The following CHAF1B variants were observed in gnomAD, a reference collection of about 807,000 sequenced individuals.
The protein encoded by CHAF1B is chromatin assembly factor 1 subunit B.
Under a neutral mutation model 60.7 loss-of-function variants are expected in CHAF1B, and 10 were observed. That is an observed-to-expected ratio of 0.16 (90% confidence interval 0.10 to 0.28). CHAF1B has a LOEUF of 0.28. Ranked by LOEUF, CHAF1B falls within the 10% of genes least tolerant of loss-of-function variation. CHAF1B has a pLI of 1.00. For synonymous variants in CHAF1B, 261 were observed against 266.1 expected, an observed-to-expected ratio of 0.98 and a Z score of 0.19; for missense variants, 558 against 708.4, an observed-to-expected ratio of 0.79 and a Z score of 2.41.
chr21:36,404,385 C>T (rs2086218584), intron 8 of CHAF1B, among the ~76,000 whole-genome samples: 1 of 149,818 alleles, frequency 6.7e-6, no homozygotes, highest in African/African-American at 2.5e-5. Context: ...AGGCTTGAGC[C>T]ACCACGCCCG....
chr21:36,415,748 CTTTT>C, intron 13 of CHAF1B: 1 of 360,312 alleles, frequency 2.8e-6, no homozygotes, highest in Non-Finnish European at 5.3e-6. Flanking sequence ...CCATGACATT[CTTTT>C]TTTTTTTTTC....
Position 36,413,190 on chromosome 21 carries a change from C to G in CHAF1B, c.1368C>G (p.Val456=), listed in dbSNP as rs760502373. The G allele has an allele frequency of 2.5e-6, 4 of 1,613,968 alleles. No individual in the cohort carries two copies. The highest frequency in any genetic ancestry group is 1.7e-5 in the Admixed American group (1 of 59,988). Residue 456 remains valine (V), a synonymous_variant, in exon 12 of 14, where the codon GTC becomes GTG. Coordinates refer to ENST00000314103, the MANE Select transcript of CHAF1B (RefSeq NM_005441.3). ...IRDPPSITPA[V]KSPLPGPSEE... is the part of the protein sequence containing the mutation. ...ACCCTCCCTCCATCACTCCTGCTGT[C>G]AAAAGCCCCTTGCCGGGGCCTTCGG...
chr21:36,405,156 G>A (rs574105183), intron 8 of CHAF1B, among the ~76,000 whole-genome samples: 31 of 152,110 alleles, frequency 2.0e-4, no homozygotes, highest in Non-Finnish European at 2.9e-4. Context: ...TGTGGTGTTA[G>A]TAAGTGTGGG....
intron 13 of CHAF1B, chr21:36,415,977 C>T: frequency 3.0e-6 from 1 of 336,932 alleles, no homozygotes; most frequent in Non-Finnish European, 5.7e-6. Context: ...TGGTCTTGAA[C>T]TCCTGGCCTC....
rs1471540790 is a variant in CHAF1B, at chr21:36,387,219, G to GTTTTTTTTTT, written c.127-375_127-374insTTTTTTTTTT. ...AGTTTTCTTTCTGAAAATAAGCATA[G>GTTTTTTTTTT]TTTTGTTTTTTTTTTTTTTTTGAGA... On this transcript the variant is annotated intron_variant, in intron 2 of 13. Transcript: ENST00000314103. 8.3e-4 allele frequency among the ~76,000 whole-genome samples: 118 copies of GTTTTTTTTTT among 141,352 alleles called. 3 individuals are homozygous for GTTTTTTTTTT. The highest frequency in any genetic ancestry group is 3.0e-3 in the African/African-American group (112 of 37,730). The allele number at this position is 141,352 out of a possible 152,430, so 92.7% of individuals were successfully genotyped here.
chr21:36,402,244 C>G (rs2086196971), intron 7 of CHAF1B, among the ~76,000 whole-genome samples: 1 of 152,056 alleles, frequency 6.6e-6, no homozygotes, highest in Admixed American at 6.6e-5. Context: ...CCCAGAAGTT[C>G]TAGGTTACAG....
At chr21:36,401,160 C>T (rs994784248) in intron 7 of CHAF1B, among the ~76,000 whole-genome samples, 3 of 151,434 alleles carry the variant, frequency 2.0e-5, no homozygotes, top group East Asian at 1.9e-4. Context: ...CCAGCTACTC[C>T]GGTGGCTGAG....
Position 36,413,083 on chromosome 21 carries a change from GCCAGCAGAACCCAAGACC to G in CHAF1B, c.1269_1286del (p.Arg423_Ser428del), listed in dbSNP as rs768948362. 1.2e-6 allele frequency: 2 copies of G among 1,614,144 alleles called. No homozygotes were observed. Among genetic ancestry groups the G allele is most frequent in the Non-Finnish European group, 1.7e-6 (2 of 1,180,028 alleles). Reference sequence around the variant, plus strand: ...ACCCAGACCGGTAGAGGGAACCCCTGCCAGCAGAACCCAAGACCCCAGCAGCCCCGGCACGACTCCCCC... The same window carrying G: ...ACCCAGACCGGTAGAGGGAACCCCTGCCAGCAGCCCCGGCACGACTCCCCC... On this transcript the variant is annotated inframe_deletion, in exon 12 of 14. Transcript: ENST00000314103.
intron 3 of CHAF1B, among the ~76,000 whole-genome samples, chr21:36,389,800 T>TGTGTGTGTGC: frequency 3.4e-4 from 43 of 124,792 alleles, no homozygotes; most frequent in South Asian, 8.0e-4. Context: ...TGTGTGTGTG[T>TGTGTGTGTGC]GCGCGCGCAC....
At chr21:36,415,748 CTTT>C (rs745421124) in intron 13 of CHAF1B, 10 of 360,162 alleles carry the variant, frequency 2.8e-5, no homozygotes, top group Admixed American at 6.9e-5. Flanking sequence ...CCATGACATT[CTTT>C]TTTTTTTTTT....
At chr21:36,410,338 G>T (rs1432997760) in intron 10 of CHAF1B, among the ~76,000 whole-genome samples, 1 of 152,000 alleles carries the variant, frequency 6.6e-6, no homozygotes, top group Non-Finnish European at 1.5e-5. Flanking sequence ...ATTACATTTG[G>T]GAAGTTTCAG....
In CHAF1B at chr21:36,408,841, A is replaced by G. The variant is rs1568818741; in HGVS notation, c.827+11A>G. The G allele has an allele frequency of 6.4e-7, 1 of 1,574,606 alleles. No homozygotes were observed. Among genetic ancestry groups the G allele is most frequent in the Admixed American group, 1.7e-5 (1 of 59,854 alleles). On this transcript the variant is annotated intron_variant, in intron 9 of 13. Coordinates refer to ENST00000314103, the MANE Select transcript of CHAF1B (RefSeq NM_005441.3). ...GAAGAATCTTAAAAGGTATGCAGTC[A>G]AGGAAATGTTTGAAATGTTTACATT...
intron 9 of CHAF1B, among the ~76,000 whole-genome samples, chr21:36,409,158 A>ATTTTT (rs1163222508): frequency 7.4e-5 from 7 of 94,652 alleles, no homozygotes; most frequent in Non-Finnish European, 6.5e-5. Flanking sequence ...CCCGGCTTGT[A>ATTTTT]TTTTTTTTTT....
In CHAF1B at chr21:36,416,468, A is replaced by G; in HGVS notation, c.*102A>G. The G allele has an allele frequency of 1.3e-6, 1 of 799,376 alleles. No homozygotes were observed. Among genetic ancestry groups the G allele is most frequent in the Non-Finnish European group, 2.0e-6 (1 of 510,332 alleles). The allele number at this position is 799,376 out of a possible 1,614,324, so 49.5% of individuals were successfully genotyped here. A position where few individuals can be genotyped will look rare whatever the true frequency, so the allele number is the denominator to read the frequency against. ...GACCAGGGCTTCCATGGAGCGGGAC[A>G]CACTGTAAATGGATTTCTATAACAG... On this transcript the variant is annotated 3_prime_UTR_variant, in exon 14 of 14. Coordinates refer to ENST00000314103, the MANE Select transcript of CHAF1B (RefSeq NM_005441.3).
intron 12 of CHAF1B, among the ~76,000 whole-genome samples, chr21:36,414,086 C>T (rs2086299523): frequency 1.3e-5 from 2 of 152,216 alleles, no homozygotes; most frequent in South Asian, 4.1e-4. Context: ...GTGTCTGCCA[C>T]TTCTACTGGA....
In CHAF1B at chr21:36,386,043, GT is replaced by G. The variant is rs1454605213; in HGVS notation, c.-77-14del. 23 of 1,503,750 alleles carry G rather than the reference GT, an allele frequency of 1.5e-5. No individual in the cohort carries two copies. Among genetic ancestry groups the G allele is most frequent in the Non-Finnish European group, 2.1e-5 (23 of 1,093,448 alleles). The allele number at this position is 1,503,750 out of a possible 1,614,324, so 93.2% of individuals were successfully genotyped here. A position where few individuals can be genotyped will look rare whatever the true frequency, so the allele number is the denominator to read the frequency against. On this transcript the variant is annotated splice_polypyrimidine_tract_variant and intron_variant, in intron 1 of 13. Coordinates refer to ENST00000314103, the MANE Select transcript of CHAF1B (RefSeq NM_005441.3). ...ACCCTTTGCTGCTGTTAACACTGTT[GT>G]TTAATCCATCACCAGCATTTTGCAG...
At position 36,417,292 on chromosome 21, in the gene CHAF1B, A is replaced by G. The variant is rs2086327038; in HGVS notation, c.*926A>G. On this transcript the variant is annotated 3_prime_UTR_variant, in exon 14 of 14. Coordinates refer to ENST00000314103, the MANE Select transcript of CHAF1B (RefSeq NM_005441.3). ...ACATATATATGATACATATATATAT[A>G]TATACACACACACACAAGTATGTGT... 1.3e-5 allele frequency: 2 copies of G among 150,892 alleles called. No individual in the cohort carries two copies. The highest frequency in any genetic ancestry group is 2.9e-5 in the Non-Finnish European group (2 of 67,878). The allele number at this position is 150,892 out of a possible 1,614,324, so 9.3% of individuals were successfully genotyped here.
chr21:36,393,424 CAATTTT>C (rs1211013268), intron 4 of CHAF1B, among the ~76,000 whole-genome samples: 7 of 139,296 alleles, frequency 5.0e-5, no homozygotes, highest in African/African-American at 1.6e-4. Context: ...AAAAAGTATT[CAATTTT>C]AAAGATACAG....
intron 8 of CHAF1B, among the ~76,000 whole-genome samples, chr21:36,403,614 A>G (rs1248088687): frequency 6.6e-6 from 1 of 152,184 alleles, no homozygotes; most frequent in Non-Finnish European, 1.5e-5. Context: ...CATTTGTGAC[A>G]GGATTAGACT....
Sources: allele counts gnomAD v4.1 joint callset (sites outside exome capture counted in the v4.1 genomes callset), GRCh38; gene constraint gnomAD v4.1.1; transcripts MANE v1.5; gene names NCBI Gene and HGNC (gene_info 2026-07-23, HGNC 2026-07-21).